C1orf21: variants seen among roughly 807,000 people sequenced by gnomAD.
The protein encoded by C1orf21 is chromosome 1 open reading frame 21.
In C1orf21, 3 loss-of-function variants were observed where a neutral mutation model predicts 18.7. That is an observed-to-expected ratio of 0.16 (90% CI 0.07 to 0.42). The LOEUF is 0.42. C1orf21 is among the 10% of genes least tolerant of loss of function. C1orf21 has a pLI of 0.99. For missense variants in C1orf21, 104 were observed against 143.6 expected (o/e 0.72, Z 1.41); for synonymous variants, 41 against 46.4 (o/e 0.88, Z 0.47).
intron 1 of C1orf21, among the ~76,000 whole-genome samples, chr1:184,439,779 A>G (rs1278485884): frequency 6.6e-6 from 1 of 152,184 alleles, no homozygotes; most frequent in African/African-American, 2.4e-5. Flanking sequence ...AGGGAGACTC[A>G]ATCTCTATTA....
chr1:184,510,182 C>A (rs772262159), intron 3 of C1orf21, among the ~76,000 whole-genome samples: 1 of 152,074 alleles, frequency 6.6e-6, no homozygotes, highest in Non-Finnish European at 1.5e-5. Flanking sequence ...TTTATTTATA[C>A]CTATTATGTA....
intron 1 of C1orf21, among the ~76,000 whole-genome samples, chr1:184,401,469 C>T (rs913221396): frequency 2.0e-5 from 3 of 152,138 alleles, no homozygotes; most frequent in South Asian, 2.1e-4. Flanking sequence ...TCAGGTGATC[C>T]GCCTGCCTCA....
chr1:184,431,930 C>T (rs1464748395), intron 1 of C1orf21, among the ~76,000 whole-genome samples: 1 of 152,248 alleles, frequency 6.6e-6, no homozygotes, highest in Non-Finnish European at 1.5e-5. Context: ...AAATGCTCAT[C>T]ATCACTGGTC....
At chr1:184,529,849 C>T (rs888743119) in intron 3 of C1orf21, among the ~76,000 whole-genome samples, 4 of 152,062 alleles carry the variant, frequency 2.6e-5, no homozygotes, top group Non-Finnish European at 5.9e-5. Context: ...ATATCTTGTC[C>T]CTATGTGGGT....
chr1:184,565,986 T>C (rs1366094966), intron 3 of C1orf21, among the ~76,000 whole-genome samples: 2 of 152,118 alleles, frequency 1.3e-5, no homozygotes, highest in Non-Finnish European at 2.9e-5. Context: ...AGAGATAATA[T>C]ATTAAAAGGG....
intron 3 of C1orf21, among the ~76,000 whole-genome samples, chr1:184,551,992 A>G (rs1000142740): frequency 3.3e-5 from 5 of 150,392 alleles, no homozygotes; most frequent in African/African-American, 1.2e-4. Flanking sequence ...ACGTTTTTTT[A>G]AAACAAAAAG....
chr1:184,517,225 A>T (rs1398061239), intron 3 of C1orf21, among the ~76,000 whole-genome samples: 1 of 152,214 alleles, frequency 6.6e-6, no homozygotes, highest in African/African-American at 2.4e-5. Flanking sequence ...TTATAGTAAT[A>T]TACATTCCCC....
chr1:184,541,495 T>C (rs1459941030), intron 3 of C1orf21, among the ~76,000 whole-genome samples: 2 of 152,184 alleles, frequency 1.3e-5, no homozygotes, highest in Admixed American at 6.5e-5. Context: ...TAAGGCTGTT[T>C]ATAAGTGGCC....
intron 3 of C1orf21, among the ~76,000 whole-genome samples, chr1:184,565,209 G>C (rs1001005210): frequency 2.0e-5 from 3 of 152,122 alleles, no homozygotes; most frequent in Non-Finnish European, 4.4e-5. Flanking sequence ...ATTTAGAACA[G>C]AACAATATTG....
Position 184,387,860 on chromosome 1 carries a change from T to C in C1orf21, c.-125+492T>C, listed in dbSNP as rs189742199. 5.5e-4 allele frequency among the ~76,000 whole-genome samples: 84 copies of C among 152,314 alleles called. 1 individual carries two copies. The highest frequency in any genetic ancestry group is 2.4e-4 in the Non-Finnish European group (16 of 68,010). ...AAGTCCCTTCTCTCGCTCCGACTGA[T>C]TGATGTGTTTGTGTGGGTGGTTTGA... On this transcript the variant is annotated intron_variant, in intron 1 of 5. Transcript: ENST00000235307. The surrounding 1 kb of genome is among the most constrained non-coding windows in gnomAD (Gnocchi z 5.6).
intron 3 of C1orf21, among the ~76,000 whole-genome samples, chr1:184,557,947 C>T (rs1157335999): frequency 6.6e-6 from 1 of 152,160 alleles, no homozygotes; most frequent in East Asian, 1.9e-4. Context: ...TCCTGTGGAA[C>T]TTGACTGGCA....
intron 2 of C1orf21, among the ~76,000 whole-genome samples, chr1:184,499,671 GA>G (rs537036222): frequency 0.026 from 3,708 of 140,784 alleles, 144 homozygotes; most frequent in African/African-American, 0.089. Context: ...TTTGTGGTAG[GA>G]AAAAAAAAAA....
chr1:184,448,450 G>T (rs1006423552), intron 1 of C1orf21, among the ~76,000 whole-genome samples: 2 of 152,112 alleles, frequency 1.3e-5, no homozygotes, highest in African/African-American at 4.8e-5. Context: ...GGAATCCTTG[G>T]GTGCTACATA....
chr1:184,415,102 C>T (rs557576975), intron 1 of C1orf21, among the ~76,000 whole-genome samples: 1 of 152,252 alleles, frequency 6.6e-6, no homozygotes, highest in African/African-American at 2.4e-5. Context: ...CCTCCTGACC[C>T]TCACTCAACA....
intron 3 of C1orf21, among the ~76,000 whole-genome samples, chr1:184,512,491 T>G (rs1204879654): frequency 6.6e-6 from 1 of 152,222 alleles, no homozygotes; most frequent in Non-Finnish European, 1.5e-5. Context: ...ATGATTTATA[T>G]GTCAGTCATT....
At chr1:184,450,690 A>G (rs947724487) in intron 1 of C1orf21, among the ~76,000 whole-genome samples, 5 of 152,178 alleles carry the variant, frequency 3.3e-5, no homozygotes, top group African/African-American at 9.7e-5. Flanking sequence ...TGCCATGTCC[A>G]TATCAATATT....
chr1:184,451,462 A>ATT lies in C1orf21; in HGVS notation c.-124-25902_-124-25901dup, dbSNP rs374550435. Among the ~76,000 whole-genome samples the ATT allele has an allele frequency of 8.6e-3, 667 of 77,578 alleles. 1 individual carries two copies. Among genetic ancestry groups the ATT allele is most frequent in the Middle Eastern group, 0.017 (2 of 118 alleles). The allele number at this position is 77,578 out of a possible 152,430, so 50.9% of individuals were successfully genotyped here. On this transcript the variant is annotated intron_variant, in intron 1 of 5. Coordinates refer to ENST00000235307, the MANE Select transcript of C1orf21 (RefSeq NM_030806.4). Reference sequence around the variant, plus strand: ...TACACCATCATGCCTGGCTAATTTAATTTTTTTTTTTTTTTTTTTTTTTGG... The same window carrying ATT: ...TACACCATCATGCCTGGCTAATTTAATTTTTTTTTTTTTTTTTTTTTTTTTGG...
At chr1:184,443,455 C>T (rs780412004) in intron 1 of C1orf21, among the ~76,000 whole-genome samples, 7 of 152,192 alleles carry the variant, frequency 4.6e-5, no homozygotes, top group Non-Finnish European at 8.8e-5. Flanking sequence ...TCCCTTCTCT[C>T]TCAGAAGGAG....
chr1:184,571,631 G>A (rs1023337903), intron 3 of C1orf21, among the ~76,000 whole-genome samples: 11 of 152,146 alleles, frequency 7.2e-5, no homozygotes, highest in Non-Finnish European at 1.5e-4. Flanking sequence ...GAAAGGGGCA[G>A]CTGCTGTTTA....
Sources: allele counts gnomAD v4.1 joint callset (sites outside exome capture counted in the v4.1 genomes callset), GRCh38; gene constraint gnomAD v4.1.1; non-coding constraint Gnocchi (gnomAD v3.1); transcripts MANE v1.5; gene names NCBI Gene and HGNC (gene_info 2026-07-23, HGNC 2026-07-21).